Variants in CEP112 observed in about 807,000 individuals in gnomAD.
The protein encoded by CEP112 is centrosomal protein 112, also known as centrosomal protein of 112 kDa.
Under a neutral mutation model 153.0 loss-of-function variants are expected in CEP112, and 127 were observed. The observed-to-expected ratio is 0.83, with a 90% confidence interval of 0.72 to 0.96. The LOEUF is 0.96. Among genes scored for constraint, CEP112 ranks in the 40% least tolerant of loss-of-function variants. The pLI, the probability that CEP112 is intolerant of heterozygous loss-of-function variation, is 0.00. For missense variants in CEP112, 1,089 were observed against 1,101.2 expected (o/e 0.99, Z 0.16); for synonymous variants, 358 against 374.4 (o/e 0.96, Z 0.51).
intron 17 of CEP112, among the ~76,000 whole-genome samples, chr17:65,965,521 T>C (rs1027359386): frequency 6.7e-6 from 1 of 148,200 alleles, no homozygotes; most frequent in African/African-American, 2.5e-5. Context: ...CTGCCCCCTT[T>C]TTTTTTTTTT....
intron 23 of CEP112, among the ~76,000 whole-genome samples, chr17:65,714,972 C>T (rs867356731): frequency 7.2e-5 from 11 of 151,918 alleles, no homozygotes; most frequent in South Asian, 6.2e-4. Context: ...TTATTTGCAA[C>T]GGTAATACTA....
intron 21 of CEP112, among the ~76,000 whole-genome samples, chr17:65,849,019 C>T (rs1046575258): frequency 3.3e-5 from 5 of 152,172 alleles, no homozygotes; most frequent in Non-Finnish European, 4.4e-5. Flanking sequence ...CTTGACACTT[C>T]ATTTCCCCAA....
At chr17:65,902,051 T>A in intron 20 of CEP112, 101 bp downstream of exon 20, 1 of 474,834 alleles carries the variant, frequency 2.1e-6, no homozygotes, top group South Asian at 4.3e-5. Context: ...GTTTTGCAAA[T>A]GATCAAACAG....
At chr17:65,689,316 G>T in intron 23 of CEP112, 98 bp from the exon 24 acceptor site, 1 of 759,714 alleles carries the variant, frequency 1.3e-6, no homozygotes. Context: ...CAGATCTCTA[G>T]TTTATTACTC....
chr17:66,064,925 A>C (rs2067058699), intron 10 of CEP112, among the ~76,000 whole-genome samples: 1 of 152,204 alleles, frequency 6.6e-6, no homozygotes, highest in African/African-American at 2.4e-5. Flanking sequence ...ATGAACCTAC[A>C]AATATTTATT....
chr17:65,870,013 ATAAGAAAGAAAGAAAGAAAG>A (rs1568143860), intron 20 of CEP112, among the ~76,000 whole-genome samples: 1 of 37,406 alleles, frequency 2.7e-5, no homozygotes, highest in African/African-American at 7.0e-5. Flanking sequence ...TAGGTAGAGA[ATAAGAAAGAAAGAAAGAAAG>A]AAAGAAAGAA....
At chr17:66,136,446 T>C (rs561045207) in intron 4 of CEP112, among the ~76,000 whole-genome samples, 1 of 150,850 alleles carries the variant, frequency 6.6e-6, no homozygotes, top group South Asian at 2.1e-4. Context: ...TGGTTTGGAC[T>C]AGTAAACACT....
chr17:65,804,754 G>A (rs1284860073), intron 21 of CEP112, among the ~76,000 whole-genome samples: 2 of 151,884 alleles, frequency 1.3e-5, no homozygotes, highest in African/African-American at 4.8e-5. Context: ...TGGAACCTGT[G>A]GTCATTCTAA....
chr17:65,846,681 G>T (rs1443884584), intron 21 of CEP112, among the ~76,000 whole-genome samples: 1 of 152,222 alleles, frequency 6.6e-6, no homozygotes, highest in Non-Finnish European at 1.5e-5. Flanking sequence ...CCATTCTCTT[G>T]CCTCAGCTTC....
At chr17:65,679,572 A>G (rs232103) in intron 24 of CEP112, among the ~76,000 whole-genome samples, 71,756 of 151,926 alleles carry the variant, frequency 0.47, 17,247 homozygotes, top group Middle Eastern at 0.55. Context: ...ATGGAAAATG[A>G]AAATTAAAGG....
intron 1 of CEP112, among the ~76,000 whole-genome samples, chr17:66,190,051 C>A (rs539561038): frequency 6.6e-6 from 1 of 151,228 alleles, no homozygotes; most frequent in Non-Finnish European, 1.5e-5. Flanking sequence ...GAAAATGGAA[C>A]GGGTGCAGTG....
rs1158534690 is a variant in CEP112, at chr17:65,750,710, C to T, written c.2409G>A (p.Leu803=). ...EMTLEKANSK[L]KQIEKEYTQK... is the part of the protein sequence containing the mutation. Reference sequence around the variant, plus strand: ...GAGTGTATTCCTTCTCAATCTGCTTCAGCTTGCTGTTGGCCTGAAAAACAC... The same window carrying T: ...GAGTGTATTCCTTCTCAATCTGCTTTAGCTTGCTGTTGGCCTGAAAAACAC... The change falls in exon 22 of 27, where the codon CTG becomes CTA. Residue 803 remains leucine (L), a synonymous_variant. Transcript: ENST00000535342. The T allele has an allele frequency of 2.5e-6, 4 of 1,613,926 alleles. No homozygotes were observed. The Admixed American group carries it at 6.7e-5, about 27-fold the overall frequency.
chr17:66,170,796 G>T (rs1032561627), intron 4 of CEP112, among the ~76,000 whole-genome samples: 1 of 151,830 alleles, frequency 6.6e-6, no homozygotes, highest in Non-Finnish European at 1.5e-5. Flanking sequence ...AAAATAGGCA[G>T]ATATTTGACA....
intron 21 of CEP112, among the ~76,000 whole-genome samples, chr17:65,838,212 C>T (rs143231609): frequency 1.3e-5 from 2 of 152,278 alleles, no homozygotes; most frequent in African/African-American, 2.4e-5. Flanking sequence ...AACATTTCCT[C>T]AACAGCACAT....
chr17:66,187,725 T>G (rs2072991906), intron 1 of CEP112, among the ~76,000 whole-genome samples: 1 of 152,218 alleles, frequency 6.6e-6, no homozygotes, highest in South Asian at 2.1e-4. Context: ...TTTCATGCCA[T>G]TCACCCTTAA....
At chr17:66,188,505 G>C (rs1047335083) in intron 1 of CEP112, among the ~76,000 whole-genome samples, 2 of 149,574 alleles carry the variant, frequency 1.3e-5, no homozygotes, top group Non-Finnish European at 3.0e-5. Flanking sequence ...AGTGAAGCTG[G>C]CCCCCCCTTG....
rs1195128144 is a variant in CEP112, at chr17:66,069,902, A to C, written c.855+13T>G. On this transcript the variant is annotated intron_variant, in intron 9 of 26. Transcript: ENST00000535342. ...GTGTTCAATATAATTAAAACACGAG[A>C]TATATATCCTACCTTCTGAACATCA... 6.8e-7 allele frequency: 1 copy of C among 1,481,038 alleles called. No homozygotes were observed. The highest frequency in any genetic ancestry group is 1.7e-5 in the Admixed American group (1 of 57,338). 91.7% of individuals were successfully genotyped at this position (1,481,038 alleles called of 1,614,324 possible). A position where few individuals can be genotyped will look rare whatever the true frequency, so the allele number is the denominator to read the frequency against.
chr17:65,679,129 C>CTGTTTTTTTT (rs2047379747), intron 24 of CEP112, among the ~76,000 whole-genome samples: 1 of 31,612 alleles, frequency 3.2e-5, no homozygotes, highest in Non-Finnish European at 6.0e-5. Flanking sequence ...GTGGTTCAAG[C>CTGTTTTTTTT]TTTTTTTTTT....
intron 24 of CEP112, among the ~76,000 whole-genome samples, chr17:65,643,685 C>T (rs534022454): frequency 5.9e-5 from 9 of 152,302 alleles, no homozygotes; most frequent in African/African-American, 2.2e-4. Context: ...CATTGCCATC[C>T]AGAAACTTCC....
Sources: allele counts gnomAD v4.1 joint callset (sites outside exome capture counted in the v4.1 genomes callset), GRCh38; gene constraint gnomAD v4.1.1; transcripts MANE v1.5; gene names NCBI Gene and HGNC (gene_info 2026-07-23, HGNC 2026-07-21).